The following ZNF846 variants were observed in gnomAD, a reference collection of about 807,000 sequenced individuals.
ZNF846 encodes zinc finger protein 420 pseudogene.
ZNF846 carries 15 observed loss-of-function variants against 16.0 expected under a neutral mutation model. That is an observed-to-expected ratio of 0.94 (90% CI 0.63 to 1.45). ZNF846 has a LOEUF of 1.45. ZNF846 is among the 40% of genes most tolerant of loss of function. The pLI is 0.00. For missense variants in ZNF846, 714 were observed against 622.3 expected, an observed-to-expected ratio of 1.15 and a Z score of -1.57; for synonymous variants, 229 against 212.0, an observed-to-expected ratio of 1.08 and a Z score of -0.70.
chr19:9,756,345 G>GTGTATGTATATATATA (rs1321690890), downstream of ZNF846: 2 of 81,776 alleles, frequency 2.4e-5, no homozygotes, highest in African/African-American at 6.1e-5. Context: ...GTGTGTGTGT[G>GTGTATGTATATATATA]TATATATATA....
At chr19:9,771,682 C>G (rs756797058), upstream of ZNF846, among the ~76,000 whole-genome samples, 2 of 152,006 alleles carry the variant, frequency 1.3e-5, no homozygotes, top group Non-Finnish European at 2.9e-5. Context: ...TTTTTGTTAT[C>G]CCCTTATTAG....
chr19:9,752,507 C>G, downstream of ZNF846: 2 of 302,394 alleles, frequency 6.6e-6, no homozygotes, highest in Admixed American at 3.4e-5. Flanking sequence ...CCCAGCTACT[C>G]GGGAGGCTGA....
At chr19:9,751,019 A>C (rs1397995065), downstream of ZNF846, among the ~76,000 whole-genome samples, 1 of 152,182 alleles carries the variant, frequency 6.6e-6, no homozygotes, top group Non-Finnish European at 1.5e-5. Context: ...CTAGTCAGGC[A>C]ACTAATTATG....
downstream of ZNF846, chr19:9,752,494 G>T: frequency 2.8e-6 from 1 of 355,718 alleles, no homozygotes; most frequent in South Asian, 2.2e-5. Flanking sequence ...GCATGCCTGT[G>T]ATCCCAGCTA....
intron 5 of ZNF846, among the ~76,000 whole-genome samples, 153 bp from the exon 6 acceptor site, chr19:9,758,917 A>C (rs2045178597): frequency 6.6e-6 from 1 of 151,786 alleles, no homozygotes; most frequent in South Asian, 2.1e-4. Context: ...TTTTGAGTTA[A>C]GTTGAGTAAT....
rs568693374 is a variant in ZNF846 at position 9,774,752 on chromosome 19, T to G, written c.-85-9717A>C. The G allele has an allele frequency of 6.2e-5, 97 of 1,564,918 alleles. 1 individual carries two copies. In the South Asian group the frequency reaches 9.8e-4, roughly 16 times the overall value. On this transcript the variant is annotated intron_variant, in intron 1 of 4. Coordinates refer to the ZNF846 transcript ENST00000586814. The stretch of plus-strand genomic sequence containing the variant: ...AAATATCGACGAAAAGGGGCAGGTC[T>G]GTCTGTCAGTAATTAGTGCTGAAAA...
intron 1 of ZNF846, among the ~76,000 whole-genome samples, chr19:9,783,218 CTTTTTTT>C (rs74183307): frequency 3.1e-4 from 20 of 65,402 alleles, no homozygotes; most frequent in Admixed American, 1.3e-3. Flanking sequence ...CCCTATAATT[CTTTTTTT>C]TTTTTTTTTT....
chr19:9,762,659 G>T (rs1036634204), intron 3 of ZNF846, among the ~76,000 whole-genome samples: 1 of 152,090 alleles, frequency 6.6e-6, no homozygotes, highest in South Asian at 2.1e-4. Context: ...TTTTCATGGG[G>T]AATCCTCTAC....
intron 1 of ZNF846, among the ~76,000 whole-genome samples, chr19:9,783,538 A>ATATATATATATATAT (rs1214845852): frequency 6.9e-5 from 8 of 115,462 alleles, no homozygotes; most frequent in South Asian, 2.3e-4. Context: ...AAAAAAAAAA[A>ATATATATATATATAT]AAAAAAATAT....
At chr19:9,753,520 C>T (rs2045105289), downstream of ZNF846, among the ~76,000 whole-genome samples, 1 of 150,968 alleles carries the variant, frequency 6.6e-6, no homozygotes, top group Non-Finnish European at 1.5e-5. Flanking sequence ...TCCCAAAGTG[C>T]TGGGATTACA....
chr19:9,759,802 T>C (rs763935761), intron 5 of ZNF846, 58 bp downstream of exon 5: 10 of 1,332,612 alleles, frequency 7.5e-6, no homozygotes, highest in Non-Finnish European at 9.5e-6. Flanking sequence ...CATATAATTT[T>C]CATGAATATT....
At chr19:9,761,591 A>T (rs1193287600) in intron 4 of ZNF846, among the ~76,000 whole-genome samples, 2 of 151,782 alleles carry the variant, frequency 1.3e-5, no homozygotes, top group Non-Finnish European at 2.9e-5. Context: ...GGTGCCTGTA[A>T]TCTTAGCTAC....
chr19:9,749,537 TAA>T (rs966828476), downstream of ZNF846, among the ~76,000 whole-genome samples: 32 of 148,384 alleles, frequency 2.2e-4, no homozygotes, highest in Admixed American at 2.8e-4. Context: ...CCTATCCTGA[TAA>T]GTCTTTCTTT....
chr19:9,757,947 C>T (rs190923364), exon 6 of ZNF846: 86 of 1,613,382 alleles, frequency 5.3e-5, no homozygotes, highest in East Asian at 2.2e-4. Flanking sequence ...TCCTGAGGAA[C>T]GAGTAAAAGC....
downstream of ZNF846, among the ~76,000 whole-genome samples, chr19:9,753,200 A>T (rs2045101180): frequency 6.6e-6 from 1 of 150,984 alleles, no homozygotes; most frequent in African/African-American, 2.5e-5. Context: ...ATGTCAACAT[A>T]CGCAAGTTGA....
intron 2 of ZNF846, among the ~76,000 whole-genome samples, chr19:9,763,981 G>A (rs940982095): frequency 1.6e-4 from 24 of 152,210 alleles, no homozygotes; most frequent in Non-Finnish European, 4.4e-5. Flanking sequence ...AGGTTGGACT[G>A]CCAGAATGAG....
At chr19:9,770,999 G>A (rs1423612158), upstream of ZNF846, among the ~76,000 whole-genome samples, 1 of 152,022 alleles carries the variant, frequency 6.6e-6, no homozygotes, top group African/African-American at 2.4e-5. Flanking sequence ...TTGGGAAACA[G>A]GTGGTTTTGG....
At chr19:9,756,229 C>T (rs1326745732), downstream of ZNF846, 1 of 149,912 alleles carries the variant, frequency 6.7e-6, no homozygotes, top group Non-Finnish European at 1.5e-5. Context: ...CAACATTTCC[C>T]TCATTCTGTA....
chr19:9,758,377 CT>C lies in ZNF846; in HGVS notation c.699del (p.Ala234ProfsTer9), dbSNP rs751349919. On this transcript the variant is annotated frameshift_variant, in exon 6 of 6. Coordinates refer to ENST00000397902, the Ensembl canonical transcript of ZNF846. LOFTEE classifies it low-confidence loss of function (END_TRUNC). Reference sequence around the variant, plus strand: ...ATAAGGTGTGAGGAATTACTGAAGGCTTTCCCACATTCCTTACATACATAGT... The same window carrying C: ...ATAAGGTGTGAGGAATTACTGAAGGCTTCCCACATTCCTTACATACATAGT... 1 of 1,613,326 alleles carries C rather than the reference CT, an allele frequency of 6.2e-7. No homozygotes were observed. The highest frequency in any genetic ancestry group is 1.1e-5 in the South Asian group (1 of 91,040).
Sources: gnomAD v4.1 joint callset for allele counts (sites outside exome capture counted in the v4.1 genomes callset) on GRCh38, gnomAD v4.1.1 for gene constraint, MANE v1.5 for transcripts, NCBI Gene and HGNC (gene_info 2026-07-23, HGNC 2026-07-21) for gene names.